The following TNFAIP1 variants were observed in gnomAD, a reference collection of about 807,000 sequenced individuals.
The protein encoded by TNFAIP1 is TNF alpha induced protein 1.
A neutral mutation model predicts 32.6 loss-of-function variants in TNFAIP1; 20 were observed. The observed-to-expected ratio is 0.61, with a 90% CI of 0.43 to 0.89. The LOEUF (loss-of-function observed/expected upper bound fraction) is 0.89, where lower values mean the gene tolerates loss of function less well. Among genes scored for constraint, TNFAIP1 ranks in the 40% least tolerant of loss-of-function variants. The probability of loss-of-function intolerance (pLI) is 0.00; values close to 1 mark genes in which losing one functional copy is unlikely to be tolerated. For missense variants in TNFAIP1, 319 were observed against 425.1 expected (o/e 0.75, Z 2.20); for synonymous variants, 166 against 166.8 (o/e 1.00, Z 0.04).
rs1200270888 is a variant in TNFAIP1, at chr17:28,341,318, T to C, written c.457T>C (p.Ser153Pro). The change falls in exon 4 of 7, where the codon TCC becomes CCC. Residue 153 changes from serine (S) to proline (P), a missense_variant. Ser to Pro is a moderately conservative substitution (Grantham distance 74, BLOSUM62 -1). Coordinates refer to ENST00000226225, the MANE Select transcript of TNFAIP1 (RefSeq NM_021137.5). ...LKEEERLIES[S>P]TKPVVKLLYN... is the part of the protein sequence containing the mutation. ...GGAGGAGGAGCGGCTCATCGAATCC[T>C]CCACCAAGGTACCAGGACCTCTGAG... 1 of 1,614,142 alleles carries C rather than the reference T, an allele frequency of 6.2e-7. No individual in the cohort carries two copies. Among genetic ancestry groups the C allele is most frequent in the Non-Finnish European group, 8.5e-7 (1 of 1,180,026 alleles).
Position 28,339,549 on chromosome 17 carries a change from GCCT to G in TNFAIP1, c.30_32del (p.Ser11del), listed in dbSNP as rs1211611865. ...GTCGGGGGACACCTGCCTGTGCCCA[GCCT>G]CAGGGGCCAAGCCCAAGCTCAGTGG... On this transcript the variant is annotated inframe_deletion, in exon 2 of 7. Coordinates refer to ENST00000226225, the MANE Select transcript of TNFAIP1 (RefSeq NM_021137.5). The G allele has an allele frequency of 6.2e-7, 1 of 1,610,048 alleles. No homozygotes were observed. The highest frequency in any genetic ancestry group is 8.5e-7 in the Non-Finnish European group (1 of 1,177,726).
intron 6 of TNFAIP1, 44 bp from the exon 7 acceptor site, chr17:28,344,320 T>C: frequency 6.4e-7 from 1 of 1,566,032 alleles, no homozygotes; most frequent in African/African-American, 1.4e-5. Flanking sequence ...TGGCTTCCTC[T>C]TGAAGATGAA....
chr17:28,346,483 G>A lies in TNFAIP1; in HGVS notation c.*1883G>A, dbSNP rs1907572152. 1 of 152,108 alleles carries A rather than the reference G, an allele frequency of 6.6e-6. No individual in the cohort carries two copies. The highest frequency in any genetic ancestry group is 1.5e-5 in the Non-Finnish European group (1 of 68,044). 9.4% of individuals were successfully genotyped at this position (152,108 alleles called of 1,614,324 possible). On this transcript the variant is annotated 3_prime_UTR_variant, in exon 7 of 7. Transcript: ENST00000226225. ...CCTTTTGACCTCCCCATCCCCTTTAGTCCCTGCTTACTACTTTGACATTCA... is the reference window on the plus strand; with the variant it reads ...CCTTTTGACCTCCCCATCCCCTTTAATCCCTGCTTACTACTTTGACATTCA...
chr17:28,339,181 T>C (rs1439067457), intron 1 of TNFAIP1, among the ~76,000 whole-genome samples: 2 of 143,026 alleles, frequency 1.4e-5, no homozygotes, highest in African/African-American at 5.3e-5. Flanking sequence ...AAGGCTGCAG[T>C]GAGCCGAGAT....
rs376989015 is a variant in TNFAIP1, at chr17:28,339,495, C to T, written c.-27C>T. On this transcript the variant is annotated 5_prime_UTR_variant, in exon 2 of 7. Coordinates refer to ENST00000226225, the MANE Select transcript of TNFAIP1 (RefSeq NM_021137.5). ...GGAGCCTTCCAAGCCTACCTCCTGC[C>T]GTGTGGTGATCTACCTGCAGCGGGA... The T allele has an allele frequency of 5.7e-6, 9 of 1,568,108 alleles. No homozygotes were observed. The highest frequency in any genetic ancestry group is 2.2e-5 in the East Asian group (1 of 44,488).
In TNFAIP1 at chr17:28,340,172, C is replaced by A; in HGVS notation, c.206-137C>A. ...TGAGTGCTAGAACCTCCATCCCCGC[C>A]TCTGTCACCCTGCGTAAGGGCTTTG... On this transcript the variant is annotated intron_variant, in intron 2 of 6. Coordinates refer to ENST00000226225, the MANE Select transcript of TNFAIP1 (RefSeq NM_021137.5). The surrounding 1 kb of genome is among the most constrained non-coding windows in gnomAD (Gnocchi z 4.1). 1 of 860,978 alleles carries A rather than the reference C, an allele frequency of 1.2e-6. No homozygotes were observed. Among genetic ancestry groups the A allele is most frequent in the Non-Finnish European group, 1.8e-6 (1 of 545,146 alleles). The allele number at this position is 860,978 out of a possible 1,614,324, so 53.3% of individuals were successfully genotyped here.
intron 1 of TNFAIP1, among the ~76,000 whole-genome samples, chr17:28,339,197 C>T (rs1555577746): frequency 1.3e-5 from 2 of 148,736 alleles, no homozygotes; most frequent in Non-Finnish European, 3.0e-5. Context: ...GAGATGGCAC[C>T]ACTGCACTCC....
chr17:28,339,016 C>A (rs1478656592), intron 1 of TNFAIP1, among the ~76,000 whole-genome samples: 1 of 149,704 alleles, frequency 6.7e-6, no homozygotes, highest in Admixed American at 6.7e-5. Context: ...GGATCGCCTG[C>A]GCTCAGGAAT....
At chr17:28,338,666 C>T (rs1020401526) in intron 1 of TNFAIP1, among the ~76,000 whole-genome samples, 2 of 151,994 alleles carry the variant, frequency 1.3e-5, no homozygotes, top group African/African-American at 4.8e-5. Flanking sequence ...TGCATCCTGT[C>T]CCTCTGGCTC....
At chr17:28,338,437 T>C (rs1555577658) in intron 1 of TNFAIP1, among the ~76,000 whole-genome samples, 1 of 152,198 alleles carries the variant, frequency 6.6e-6, no homozygotes, top group Non-Finnish European at 1.5e-5. Context: ...TTTCAGGAAC[T>C]TGGGACAAGG....
At chr17:28,343,870 A>T (rs1555578535) in intron 6 of TNFAIP1, among the ~76,000 whole-genome samples, 1 of 152,126 alleles carries the variant, frequency 6.6e-6, no homozygotes, top group African/African-American at 2.4e-5. Context: ...GCAGGCAGAG[A>T]AAGGCAGCAT....
At chr17:28,336,308 ATATCC>A (rs1270092179) in intron 1 of TNFAIP1, among the ~76,000 whole-genome samples, 1 of 152,172 alleles carries the variant, frequency 6.6e-6, no homozygotes, top group African/African-American at 2.4e-5. Context: ...GCATCCCCAA[ATATCC>A]ACACACAAAG....
Position 28,342,176 on chromosome 17 carries a change from C to T in TNFAIP1, c.519-71C>T. The T allele has an allele frequency of 7.4e-7, 1 of 1,353,282 alleles. No homozygotes were observed. Among genetic ancestry groups the T allele is most frequent in the Admixed American group, 2.1e-5 (1 of 46,808 alleles). 83.8% of individuals were successfully genotyped at this position (1,353,282 alleles called of 1,614,324 possible). A position where few individuals can be genotyped will look rare whatever the true frequency, so the allele number is the denominator to read the frequency against. ...TGGGGGAAGGGAGGGAGGGGAGGGC[C>T]CCACTTGTCTAGCACCCTCCCTTGG... On this transcript the variant is annotated intron_variant, in intron 5 of 6. Coordinates refer to ENST00000226225, the MANE Select transcript of TNFAIP1 (RefSeq NM_021137.5). The surrounding 1 kb of genome is among the most constrained non-coding windows in gnomAD (Gnocchi z 4.0).
At chr17:28,338,649 A>G (rs1323480198) in intron 1 of TNFAIP1, among the ~76,000 whole-genome samples, 2 of 151,972 alleles carry the variant, frequency 1.3e-5, no homozygotes, top group African/African-American at 4.8e-5. Context: ...AATCTTTAGA[A>G]AGGAAGTGCA....
At position 28,340,212 on chromosome 17, in the gene TNFAIP1, C is replaced by CT; in HGVS notation, c.206-95dup. 7.4e-7 allele frequency: 1 copy of CT among 1,351,868 alleles called. No individual in the cohort carries two copies. Among genetic ancestry groups the CT allele is most frequent in the South Asian group, 1.3e-5 (1 of 77,758 alleles). 83.7% of individuals were successfully genotyped at this position (1,351,868 alleles called of 1,614,324 possible). A position where few individuals can be genotyped will look rare whatever the true frequency, so the allele number is the denominator to read the frequency against. On this transcript the variant is annotated intron_variant, in intron 2 of 6. Transcript: ENST00000226225. The surrounding 1 kb of genome is among the most constrained non-coding windows in gnomAD (Gnocchi z 4.1). Reference sequence around the variant, plus strand: ...TAAGGGCTTTGTGCTCGTGGACCCCCTTCCCTGCCACCTGCCGCCAGCTTG... The same window carrying CT: ...TAAGGGCTTTGTGCTCGTGGACCCCCTTTCCCTGCCACCTGCCGCCAGCTTG...
chr17:28,344,464 G>A lies in TNFAIP1; in HGVS notation c.815G>A (p.Arg272His), dbSNP rs373733645. Residue 272 changes from arginine to histidine, a missense_variant, in exon 7 of 7, where the codon CGT becomes CAT. Transcript: ENST00000226225. The part of the protein sequence containing the change: ...PDNSLLEATS[R>H]SRSQASPSED... The stretch of plus-strand genomic sequence containing the variant: ...AACTCCTTGTTGGAGGCCACAAGCC[G>A]TAGCCGCAGCCAGGCTTCCCCCAGT... 85 of 1,613,886 alleles carry A rather than the reference G, an allele frequency of 5.3e-5. No homozygotes were observed. Among genetic ancestry groups the A allele is most frequent in the Middle Eastern group, 1.6e-4 (1 of 6,082 alleles).
At chr17:28,338,269 C>T (rs1387970504) in intron 1 of TNFAIP1, among the ~76,000 whole-genome samples, 1 of 152,218 alleles carries the variant, frequency 6.6e-6, no homozygotes, top group Non-Finnish European at 1.5e-5. Context: ...GCACACATCT[C>T]ACCTCATTGT....
rs1907321684 is a variant in TNFAIP1 at position 28,340,383 on chromosome 17, C to T, written c.280C>T (p.Leu94Phe). ...LNYLRDDTIT[L>F]PQNRQEIKEL... ...TTACCTCCGAGATGACACCATCACC[C>T]TCCCTCAGAACCGGCAAGAAATCAA... is the stretch of plus-strand genomic sequence containing the variant. Residue 94 changes from leucine (L) to phenylalanine (F), a missense_variant, in exon 3 of 7, where the codon CTC (leucine) becomes TTC (phenylalanine). Leu to Phe is a conservative substitution (Grantham distance 22). Transcript: ENST00000226225. This position sits in a 1 kb window ranked among gnomAD's most constrained non-coding sequence, Gnocchi z 4.1. 4 of 1,614,126 alleles carry T rather than the reference C, an allele frequency of 2.5e-6. No individual in the cohort carries two copies. The highest frequency in any genetic ancestry group is 3.4e-6 in the Non-Finnish European group (4 of 1,180,002).
intron 6 of TNFAIP1, among the ~76,000 whole-genome samples, chr17:28,343,019 A>G (rs887689419): frequency 6.6e-6 from 1 of 152,158 alleles, no homozygotes; most frequent in Middle Eastern, 3.2e-3. Context: ...TACAAAAAAT[A>G]GAAAAATTAG....
Sources: allele counts gnomAD v4.1 joint callset (sites outside exome capture counted in the v4.1 genomes callset), GRCh38; gene constraint gnomAD v4.1.1; non-coding constraint Gnocchi (gnomAD v3.1); transcripts MANE v1.5; gene names NCBI Gene and HGNC (gene_info 2026-07-23, HGNC 2026-07-21).